Variants in KIF4A observed in about 807,000 individuals in gnomAD.
The protein encoded by KIF4A is kinesin family member 4A, also known as chromosome-associated kinesin KIF4A.
Under a neutral mutation model 105.9 loss-of-function variants are expected in KIF4A, and 7 were observed. The observed-to-expected ratio is 0.07, with a 90% confidence interval of 0.04 to 0.12. The LOEUF is 0.12. Among genes scored for constraint, KIF4A ranks in the 10% least tolerant of loss-of-function variants. The pLI, the probability that KIF4A is intolerant of heterozygous loss-of-function variation, is 1.00. For synonymous variants in KIF4A, 281 were observed against 331.3 expected (o/e 0.85, Z 1.65); for missense variants, 558 against 929.2 (o/e 0.60, Z 5.19).
chrX:70,358,982 T>G (rs979475631), intron 15 of KIF4A, among the ~76,000 whole-genome samples: 3 of 111,811 alleles, frequency 2.7e-5, no homozygotes, highest in African/African-American at 9.7e-5. Flanking sequence ...TCCAACCTGT[T>G]AGGTTCGGCC....
intron 7 of KIF4A, among the ~76,000 whole-genome samples, chrX:70,309,763 G>A (rs1441896387): frequency 8.9e-6 from 1 of 112,412 alleles, no homozygotes; most frequent in African/African-American, 3.2e-5. Context: ...TATACAATTG[G>A]CCTGGCACAG....
chrX:70,411,562 C>T (rs1294049643), intron 28 of KIF4A, among the ~76,000 whole-genome samples: 1 of 110,278 alleles, frequency 9.1e-6, no homozygotes, highest in Non-Finnish European at 1.9e-5. Context: ...CAGTAGTTCT[C>T]AAGTCTAGCC....
intron 20 of KIF4A, among the ~76,000 whole-genome samples, chrX:70,392,464 A>G (rs2147732327): frequency 9.0e-6 from 1 of 111,447 alleles, no homozygotes; most frequent in East Asian, 2.8e-4. Flanking sequence ...ATGTATTGGC[A>G]TAAAGTTGTT....
chrX:70,367,131 A>T (rs772751114), intron 15 of KIF4A, among the ~76,000 whole-genome samples: 28 of 110,446 alleles, frequency 2.5e-4, no homozygotes, highest in African/African-American at 8.9e-4. Context: ...CTTTATTTTG[A>T]GCCTATGTGT....
intron 15 of KIF4A, among the ~76,000 whole-genome samples, chrX:70,367,915 C>T (rs2086111789): frequency 8.9e-6 from 1 of 112,040 alleles, no homozygotes; most frequent in Non-Finnish European, 1.9e-5. Flanking sequence ...GGTCTTTTCA[C>T]ATAGTCCCAT....
At chrX:70,374,287 T>A (rs1368454696) in intron 16 of KIF4A, 33 bp downstream of exon 16, 1 of 955,323 alleles carries the variant, frequency 1.0e-6, no homozygotes, top group South Asian at 2.2e-5. Flanking sequence ...TTATTTCAAG[T>A]CCCTACTATG....
intron 9 of KIF4A, among the ~76,000 whole-genome samples, 175 bp downstream of exon 9, chrX:70,330,507 TG>T (rs1390281987): frequency 9.0e-6 from 1 of 111,624 alleles, no homozygotes; most frequent in African/African-American, 3.3e-5. Flanking sequence ...CATTTAAGAT[TG>T]GGGGTAGCAT....
intron 7 of KIF4A, among the ~76,000 whole-genome samples, chrX:70,324,684 A>G (rs750114935): frequency 9.0e-6 from 1 of 111,010 alleles, no homozygotes; most frequent in East Asian, 2.8e-4. Flanking sequence ...GCATTCTAGT[A>G]AATAAAATCA....
At chrX:70,291,424 G>A (rs1602734566) in intron 3 of KIF4A, among the ~76,000 whole-genome samples, 1 of 110,442 alleles carries the variant, frequency 9.1e-6, no homozygotes, top group Non-Finnish European at 1.9e-5. Flanking sequence ...AAAACTTTGA[G>A]ATGGGTCTTG....
chrX:70,341,087 G>A (rs1013599186), intron 10 of KIF4A, among the ~76,000 whole-genome samples: 1 of 110,880 alleles, frequency 9.0e-6, no homozygotes, highest in Non-Finnish European at 1.9e-5. Context: ...CCTTTTCCTC[G>A]TATTTGAAAT....
At chrX:70,302,759 A>T (rs2085809481) in intron 7 of KIF4A, among the ~76,000 whole-genome samples, 1 of 111,898 alleles carries the variant, frequency 8.9e-6, no homozygotes, top group Non-Finnish European at 1.9e-5. Flanking sequence ...CCTCAGCCCA[A>T]TTTCCATGCC....
intron 11 of KIF4A, 146 bp from the exon 12 acceptor site, chrX:70,343,557 A>T: frequency 4.1e-6 from 2 of 483,458 alleles, no homozygotes; most frequent in Non-Finnish European, 7.0e-6. Flanking sequence ...CACATTTTTC[A>T]CTGAATAACC....
intron 10 of KIF4A, among the ~76,000 whole-genome samples, chrX:70,338,936 T>A (rs1196719922): frequency 9.1e-6 from 1 of 109,597 alleles, no homozygotes; most frequent in Non-Finnish European, 1.9e-5. Context: ...ATAGAAAAAA[T>A]TAGCTGGGTG....
intron 9 of KIF4A, among the ~76,000 whole-genome samples, chrX:70,332,911 T>G (rs1388000897): frequency 8.9e-6 from 1 of 111,832 alleles, no homozygotes; most frequent in African/African-American, 3.3e-5. Flanking sequence ...TTATTCTGTC[T>G]TGTATTATTT....
chrX:70,420,224 T>TTCTTC lies in KIF4A; in HGVS notation c.3662_3666dup (p.Gly1223SerfsTer39), dbSNP rs1159376162. 8.3e-7 allele frequency: 1 copy of TTCTTC among 1,210,556 alleles called. No individual in the cohort carries two copies. The highest frequency in any genetic ancestry group is 3.0e-5 in the East Asian group (1 of 33,827). On this transcript the variant is annotated frameshift_variant, in exon 31 of 31. Transcript: ENST00000374403. LOFTEE classifies it high-confidence loss of function. ...ACGGGCTCTGGCCAGCAACACCAGC[T>TTCTTC]TCTTCTCTGGCTGCTCCCCTATCGA...
chrX:70,348,282 A>G (rs999442862), intron 13 of KIF4A, among the ~76,000 whole-genome samples: 9 of 111,665 alleles, frequency 8.1e-5, no homozygotes, highest in African/African-American at 2.6e-4. Context: ...TGTCTCTACA[A>G]AAAAATAAAA....
In KIF4A at chrX:70,310,915, C is replaced by T. The variant is rs752751024; in HGVS notation, c.778+8517C>T. The stretch of plus-strand genomic sequence containing the variant: ...CCTAGGTAGGAGGATCGCTTGAGCC[C>T]GGGAGTTGGAGACCAGCCTGAGCAA... On this transcript the variant is annotated intron_variant, in intron 7 of 30. Transcript: ENST00000374403. Among the ~76,000 whole-genome samples, 7 of 110,159 alleles carry T rather than the reference C, an allele frequency of 6.4e-5. No individual in the cohort carries two copies. The South Asian group carries it at 1.6e-3, about 25-fold the overall frequency.
At chrX:70,331,394 C>T (rs1321523751) in intron 9 of KIF4A, among the ~76,000 whole-genome samples, 5 of 111,237 alleles carry the variant, frequency 4.5e-5, no homozygotes, top group Non-Finnish European at 7.5e-5. Context: ...AAGCAAATAT[C>T]GCAATAAAGT....
chrX:70,301,737 A>G (rs987807484), intron 5 of KIF4A, among the ~76,000 whole-genome samples, 163 bp from the exon 6 acceptor site: 1 of 112,016 alleles, frequency 8.9e-6, no homozygotes, highest in Non-Finnish European at 1.9e-5. Flanking sequence ...GTTTCCAGCT[A>G]TCTTCACAGA....
Sources: allele counts gnomAD v4.1 joint callset (sites outside exome capture counted in the v4.1 genomes callset), GRCh38; gene constraint gnomAD v4.1.1; transcripts MANE v1.5; gene names NCBI Gene and HGNC (gene_info 2026-07-23, HGNC 2026-07-21).